ABCE1: variants seen among roughly 807,000 people sequenced by gnomAD.
ABCE1 encodes the protein ATP-binding cassette sub-family E member 1.
Under a neutral mutation model 83.4 loss-of-function variants are expected in ABCE1, and 22 were observed. That is an observed-to-expected ratio of 0.26 (90% CI 0.19 to 0.38). The LOEUF is 0.38. ABCE1 is among the 10% of genes least tolerant of loss of function. The pLI is 1.00. For missense variants in ABCE1, 330 were observed against 721.9 expected (o/e 0.46, Z 6.22); for synonymous variants, 204 against 233.7 (o/e 0.87, Z 1.16).
At chr4:145,100,849 A>G (rs1749131958) in intron 1 of ABCE1, among the ~76,000 whole-genome samples, 1 of 152,250 alleles carries the variant, frequency 6.6e-6, no homozygotes, top group East Asian at 1.9e-4. Flanking sequence ...AAAATTATTT[A>G]CTATATTTAA....
chr4:145,125,219 C>A, intron 17 of ABCE1, 118 bp downstream of exon 17: 2 of 703,882 alleles, frequency 2.8e-6, no homozygotes, highest in Non-Finnish European at 4.6e-6. Flanking sequence ...GTGATTCAAG[C>A]ACTTTTGGGA....
Position 145,110,536 on chromosome 4 carries a change from T to TGCAACCTCTGCTTACC in ABCE1, c.613+93_613+108dup, listed in dbSNP as rs1377517970. 4 of 1,221,340 alleles carry TGCAACCTCTGCTTACC rather than the reference T, an allele frequency of 3.3e-6. No homozygotes were observed. The South Asian group carries it at 3.9e-5, about 12-fold the overall frequency. The allele number at this position is 1,221,340 out of a possible 1,614,324, so 75.7% of individuals were successfully genotyped here. A position where few individuals can be genotyped will look rare whatever the true frequency, so the allele number is the denominator to read the frequency against. Reference sequence around the variant, plus strand: ...TGTTGCCCAGGCTGGGGTGCAATGATGCAACCTCTGCTTACCACAACCTCT... The same window carrying TGCAACCTCTGCTTACC: ...TGTTGCCCAGGCTGGGGTGCAATGATGCAACCTCTGCTTACCGCAACCTCTGCTTACCACAACCTCT... On this transcript the variant is annotated intron_variant, in intron 7 of 17. Transcript: ENST00000296577.
chr4:145,122,538 C>G (rs1749772462), intron 13 of ABCE1: 1 of 151,990 alleles, frequency 6.6e-6, no homozygotes, highest in African/African-American at 2.4e-5. Flanking sequence ...TTGTTGCAGG[C>G]TGGGCATGGT....
chr4:145,120,758 G>C (rs1749719290), intron 11 of ABCE1, among the ~76,000 whole-genome samples: 1 of 152,026 alleles, frequency 6.6e-6, no homozygotes, highest in South Asian at 2.1e-4. Flanking sequence ...TCAGTCTTTA[G>C]ATAATGGGAA....
intron 1 of ABCE1, among the ~76,000 whole-genome samples, chr4:145,099,890 G>A (rs1345103519): frequency 6.6e-6 from 1 of 152,102 alleles, no homozygotes; most frequent in Non-Finnish European, 1.5e-5. Flanking sequence ...TTGTTCTAGT[G>A]TCAATTTTGA....
chr4:145,122,844 T>C (rs1051232401), intron 13 of ABCE1, 177 bp from the exon 14 acceptor site: 5 of 512,990 alleles, frequency 9.7e-6, no homozygotes, highest in Non-Finnish European at 1.4e-5. Context: ...TTGTTGGACA[T>C]GATGGGTTTT....
chr4:145,105,688 A>G lies in ABCE1; in HGVS notation c.187A>G (p.Lys63Glu). ...TLCIGCGICI[K>E]KCPFGALSIV... ...TTGTATTGGTTGTGGTATCTGTATTAAGGTAAGTAATATTTTATTTACTGG... is the reference window on the plus strand; with the variant it reads ...TTGTATTGGTTGTGGTATCTGTATTGAGGTAAGTAATATTTTATTTACTGG... The change falls in exon 3 of 18, where the codon AAG becomes GAG. Residue 63 changes from lysine (K) to glutamate (E), a missense_variant and splice_region_variant. Physicochemically the swap from Lys to Glu is moderately conservative, Grantham distance 56. Coordinates refer to ENST00000296577, the MANE Select transcript of ABCE1 (RefSeq NM_002940.3). 6.3e-7 allele frequency: 1 copy of G among 1,586,564 alleles called. No individual in the cohort carries two copies. The highest frequency in any genetic ancestry group is 8.6e-7 in the Non-Finnish European group (1 of 1,160,002).
At chr4:145,110,280 A>T in intron 6 of ABCE1, 40 bp downstream of exon 6, 1 of 1,596,722 alleles carries the variant, frequency 6.3e-7, no homozygotes, top group African/African-American at 1.4e-5. Context: ...ATATTAGTAG[A>T]AGTATAAAAG....
At chr4:145,106,328 G>C (rs993347684) in intron 3 of ABCE1, among the ~76,000 whole-genome samples, 1 of 151,904 alleles carries the variant, frequency 6.6e-6, no homozygotes, top group African/African-American at 2.4e-5. Context: ...CAAATAAATC[G>C]TGTGTATATT....
At chr4:145,104,660 C>T in intron 2 of ABCE1, 145 bp downstream of exon 2, 1 of 530,702 alleles carries the variant, frequency 1.9e-6, no homozygotes, top group Non-Finnish European at 3.0e-6. Flanking sequence ...GTAGTTTGTT[C>T]TAAATTTCTT....
intron 4 of ABCE1, 86 bp downstream of exon 4, chr4:145,108,198 G>T: frequency 8.5e-7 from 1 of 1,176,866 alleles, no homozygotes. Flanking sequence ...AAATTGGGGG[G>T]AAATGCTATT....
rs779119041 is a variant in ABCE1, at chr4:145,127,618, T to G, written c.*45T>G. ...ATAAGCCATTTATTAAAAGGAGTATTTACTAGAATTTTTTGTCATATAAAA... is the reference window on the plus strand; with the variant it reads ...ATAAGCCATTTATTAAAAGGAGTATGTACTAGAATTTTTTGTCATATAAAA... On this transcript the variant is annotated 3_prime_UTR_variant, in exon 18 of 18. Transcript: ENST00000296577. 8.2e-6 allele frequency: 12 copies of G among 1,455,304 alleles called. No homozygotes were observed. In the South Asian group the frequency reaches 1.7e-4, roughly 20 times the overall value. The allele number at this position is 1,455,304 out of a possible 1,614,324, so 90.1% of individuals were successfully genotyped here. A position where few individuals can be genotyped will look rare whatever the true frequency, so the allele number is the denominator to read the frequency against.
Position 145,105,612 on chromosome 4 carries a change from A to T in ABCE1, c.111A>T (p.Leu37Phe), listed in dbSNP as rs1410925458. The change falls in exon 3 of 18, where the codon TTA becomes TTT. Residue 37 changes from leucine to phenylalanine, a missense_variant. Physicochemically the swap from Leu to Phe is conservative, Grantham distance 22 (BLOSUM62 0). Transcript: ENST00000296577. ...KSCPVVRMGK[L>F]CIEVTPQSKI... is the part of the protein sequence containing the mutation. The stretch of plus-strand genomic sequence containing the variant: ...TATCTTTTCCTTTACCAGGAAAATT[A>T]TGCATAGAGGTTACACCCCAGAGCA... 1 of 1,590,706 alleles carries T rather than the reference A, an allele frequency of 6.3e-7. No individual in the cohort carries two copies. Among genetic ancestry groups the T allele is most frequent in the Non-Finnish European group, 8.6e-7 (1 of 1,165,646 alleles).
chr4:145,114,658 C>A (rs1749565079), intron 9 of ABCE1, among the ~76,000 whole-genome samples: 1 of 148,984 alleles, frequency 6.7e-6, no homozygotes, highest in Non-Finnish European at 1.5e-5. Context: ...TGTAGATGGA[C>A]CTCGGGGAAA....
At chr4:145,112,216 C>CTTTTT in intron 8 of ABCE1, 23 bp from the exon 9 acceptor site, 2 of 1,130,226 alleles carry the variant, frequency 1.8e-6, no homozygotes, top group South Asian at 1.6e-5. Flanking sequence ...CTTATATTTG[C>CTTTTT]TTTTTTTTTT....
In ABCE1 at chr4:145,111,580, G is replaced by A. The variant is rs533917588; in HGVS notation, c.710+516G>A. Among the ~76,000 whole-genome samples, 6 of 152,230 alleles carry A rather than the reference G, an allele frequency of 3.9e-5. No homozygotes were observed. In the East Asian group the frequency reaches 1.2e-3, roughly 29 times the overall value. On this transcript the variant is annotated intron_variant, in intron 8 of 17. Coordinates refer to ENST00000296577, the MANE Select transcript of ABCE1 (RefSeq NM_002940.3). ...TGACCTCAATGATCCACCCACCTCG[G>A]CCTCCCAAAGTGCTGGGATTACAGG... is the stretch of plus-strand genomic sequence containing the variant.
intron 3 of ABCE1, among the ~76,000 whole-genome samples, chr4:145,107,140 T>TA (rs1373427220): frequency 2.0e-5 from 3 of 152,160 alleles, no homozygotes; most frequent in African/African-American, 7.2e-5. Context: ...AGTTGAATGT[T>TA]ATTTGAATAA....
chr4:145,113,867 G>T (rs1749545149), intron 9 of ABCE1, among the ~76,000 whole-genome samples: 1 of 152,058 alleles, frequency 6.6e-6, no homozygotes, highest in South Asian at 2.1e-4. Context: ...ATCTTAGGAA[G>T]TTACTAGAAT....
rs1336322267 is a variant in ABCE1 at position 145,123,150 on chromosome 4, T to G, written c.1374+19T>G. 1.9e-6 allele frequency: 3 copies of G among 1,577,034 alleles called. No individual in the cohort carries two copies. The highest frequency in any genetic ancestry group is 2.6e-6 in the Non-Finnish European group (3 of 1,168,184). On this transcript the variant is annotated intron_variant, in intron 14 of 17. Transcript: ENST00000296577. The stretch of plus-strand genomic sequence containing the variant: ...TCAAGAGGTACTTTAACATAATTTT[T>G]TTTATTTTTTTATTATTTTGAATTT...
Sources: gnomAD v4.1 joint callset for allele counts (sites outside exome capture counted in the v4.1 genomes callset) on GRCh38, gnomAD v4.1.1 for gene constraint, MANE v1.5 for transcripts, NCBI Gene and HGNC (gene_info 2026-07-23, HGNC 2026-07-21) for gene names.